The following THSD8 variants were observed in gnomAD, a reference collection of about 807,000 sequenced individuals.
THSD8 encodes thrombospondin type 1 domain containing 8, also known as thrombospondin type-1 domain-containing protein 8.
Position 12,803,911 on chromosome 19 carries a change from C to CAAAAAAAA in THSD8, c.149-173_149-166dup, listed in dbSNP as rs761806696. 8.0e-4 allele frequency among the ~76,000 whole-genome samples: 28 copies of CAAAAAAAA among 34,862 alleles called. 1 individual carries two copies. The highest frequency in any genetic ancestry group is 1.4e-3 in the African/African-American group (12 of 8,716). 22.9% of individuals were successfully genotyped at this position (34,862 alleles called of 152,430 possible). A position where few individuals can be genotyped will look rare whatever the true frequency, so the allele number is the denominator to read the frequency against. ...TGGGCGACAGAGCGAGACCCTGTCTCAAAAAAAAAAAAAAAAAAAAAAAAA... is the reference window on the plus strand; with the variant it reads ...TGGGCGACAGAGCGAGACCCTGTCTCAAAAAAAAAAAAAAAAAAAAAAAAAAAAAAAAA... On this transcript the variant is annotated intron_variant, in intron 1 of 1. Transcript: ENST00000639810.
Position 12,804,184 on chromosome 19 carries a change from G to A in THSD8, c.229G>A (p.Val77Ile), listed in dbSNP as rs1193126173. 6 of 398,540 alleles carry A rather than the reference G, an allele frequency of 1.5e-5. No individual in the cohort carries two copies. Among genetic ancestry groups the A allele is most frequent in the Non-Finnish European group, 2.2e-5 (5 of 226,128 alleles). 24.7% of individuals were successfully genotyped at this position (398,540 alleles called of 1,614,324 possible). ...DLGKQERSRE[V>I]VGTAPGPVFM... ...GGGCAAGCAGGAGCGCAGCCGCGAGGTAGTGGGCACAGCGCCGGGCCCGGT... is the reference window on the plus strand; with the variant it reads ...GGGCAAGCAGGAGCGCAGCCGCGAGATAGTGGGCACAGCGCCGGGCCCGGT... The change falls in exon 2 of 2, where the codon GTA (valine) becomes ATA (isoleucine). Residue 77 changes from valine to isoleucine, a missense_variant. Val to Ile is a conservative substitution (Grantham distance 29, BLOSUM62 3). Transcript: ENST00000639810.
intron 1 of THSD8, among the ~76,000 whole-genome samples, 166 bp from the exon 2 acceptor site, chr19:12,803,938 A>G (rs1968942940): frequency 6.9e-6 from 1 of 145,516 alleles, no homozygotes. Context: ...AAAAAAAAAA[A>G]GCTTAAATGA....
intron 1 of THSD8, among the ~76,000 whole-genome samples, chr19:12,803,643 G>A (rs566958577): frequency 6.6e-6 from 1 of 152,120 alleles, no homozygotes; most frequent in South Asian, 2.1e-4. Context: ...ATGGTGGCTG[G>A]CTCACACCTG....
In THSD8 at chr19:12,804,362, A is replaced by G; in HGVS notation, c.*59A>G. On this transcript the variant is annotated 3_prime_UTR_variant, in exon 2 of 2. Coordinates refer to ENST00000639810, the MANE Select transcript of THSD8 (RefSeq NM_001386800.1). The stretch of plus-strand genomic sequence containing the variant: ...CGGGGCCCAGGGTGGGCGCGGAGGG[A>G]GGATGTGCGGTGCGGGGCGGGTATG... 1 of 398,088 alleles carries G rather than the reference A, an allele frequency of 2.5e-6. No individual in the cohort carries two copies. The highest frequency in any genetic ancestry group is 4.4e-6 in the Non-Finnish European group (1 of 225,896). The allele number at this position is 398,088 out of a possible 1,614,324, so 24.7% of individuals were successfully genotyped here.
At chr19:12,804,036 T>A (rs991873114) in intron 1 of THSD8, 68 bp from the exon 2 acceptor site, 1 of 351,318 alleles carries the variant, frequency 2.8e-6, no homozygotes, top group African/African-American at 2.1e-5. Flanking sequence ...TCTTTCTCCC[T>A]CTCTGGGGGA....
intron 1 of THSD8, among the ~76,000 whole-genome samples, chr19:12,803,531 C>G (rs1406717083): frequency 6.6e-6 from 1 of 152,108 alleles, no homozygotes; most frequent in Non-Finnish European, 1.5e-5. Context: ...TGTAGTTCCT[C>G]TGGCCCACTT....
At chr19:12,804,001 C>T (rs1968944122) in intron 1 of THSD8, 103 bp from the exon 2 acceptor site, 1 of 216,502 alleles carries the variant, frequency 4.6e-6, no homozygotes, top group Admixed American at 6.0e-5. Context: ...CGAATATGTG[C>T]TTCTCTTATT....
Position 12,802,657 on chromosome 19 carries a change from C to G in THSD8, c.148+438C>G, listed in dbSNP as rs564259153. Among the ~76,000 whole-genome samples the G allele has an allele frequency of 5.9e-5, 9 of 152,188 alleles. No homozygotes were observed. In the South Asian group the frequency reaches 1.5e-3, roughly 25 times the overall value. On this transcript the variant is annotated intron_variant, in intron 1 of 1. Coordinates refer to ENST00000639810, the MANE Select transcript of THSD8 (RefSeq NM_001386800.1). ...ATAGCAAATGCCAAGGTGAAAAGTC[C>G]TGAAGGAGAAATGGAAAGAGGTCGG...
intron 1 of THSD8, among the ~76,000 whole-genome samples, chr19:12,803,739 C>A (rs577401682): frequency 2.0e-5 from 3 of 151,342 alleles, no homozygotes; most frequent in Admixed American, 6.6e-5. Context: ...GGTGAAACAC[C>A]GTCTCTGCAA....
At chr19:12,802,639 A>G (rs1295944301) in intron 1 of THSD8, among the ~76,000 whole-genome samples, 1 of 152,200 alleles carries the variant, frequency 6.6e-6, no homozygotes, top group Non-Finnish European at 1.5e-5. Context: ...GGAATAGCAA[A>G]TGCCAAGGTG....
At position 12,802,576 on chromosome 19, in the gene THSD8, A is replaced by G. The variant is rs1038740408; in HGVS notation, c.148+357A>G. ...ACCCGTGACCAGTGCAGCGAGAACG[A>G]CAAGCGAAAGTCCCATATGGAAAGA... On this transcript the variant is annotated intron_variant, in intron 1 of 1. Transcript: ENST00000639810. Among the ~76,000 whole-genome samples the G allele has an allele frequency of 2.0e-5, 3 of 152,182 alleles. No homozygotes were observed. In the East Asian group the frequency reaches 5.8e-4, roughly 29 times the overall value.
At position 12,804,297 on chromosome 19, in the gene THSD8, G is replaced by T; in HGVS notation, c.342G>T (p.Arg114Ser). The T allele has an allele frequency of 2.5e-6, 1 of 398,644 alleles. No homozygotes were observed. Among genetic ancestry groups the T allele is most frequent in the South Asian group, 1.3e-4 (1 of 7,868 alleles). The allele number at this position is 398,644 out of a possible 1,614,324, so 24.7% of individuals were successfully genotyped here. Residue 114 changes from arginine (R) to serine (S), a missense_variant, in exon 2 of 2, where the codon AGG becomes AGT. Transcript: ENST00000639810. ...PSCKPFDCDWRL is the reference protein window; with the variant it reads ...PSCKPFDCDWSL Reference sequence around the variant, plus strand: ...GCAAGCCCTTCGACTGCGACTGGAGGCTCTGAGCCCGGGTGAGAGAGCAGG... The same window carrying T: ...GCAAGCCCTTCGACTGCGACTGGAGTCTCTGAGCCCGGGTGAGAGAGCAGG...
At chr19:12,803,911 C>CAAAA (rs761806696) in intron 1 of THSD8, among the ~76,000 whole-genome samples, 193 bp from the exon 2 acceptor site, 896 of 34,858 alleles carry the variant, frequency 0.026, 221 homozygotes, top group African/African-American at 0.09. Flanking sequence ...GACCCTGTCT[C>CAAAA]AAAAAAAAAA....
In THSD8 at chr19:12,802,284, C is replaced by T. The variant is rs1599529603; in HGVS notation, c.148+65C>T. On this transcript the variant is annotated intron_variant, in intron 1 of 1. Transcript: ENST00000639810. ...CCCGTTGCCCTACTTCTCCTGCTGG[C>T]TGCAAAGGGACCTTCCTCGGCGGGC... The T allele has an allele frequency of 2.5e-5, 10 of 397,984 alleles. No homozygotes were observed. The East Asian group carries it at 3.6e-4, about 14-fold the overall frequency. The allele number at this position is 397,984 out of a possible 1,614,324, so 24.7% of individuals were successfully genotyped here.
intron 1 of THSD8, 98 bp from the exon 2 acceptor site, chr19:12,804,006 C>G: frequency 8.3e-6 from 2 of 240,798 alleles, no homozygotes; most frequent in Non-Finnish European, 1.6e-5. Flanking sequence ...ATGTGCTTCT[C>G]TTATTCGTTA....
At chr19:12,804,050 G>A (rs1333760005) in intron 1 of THSD8, 54 bp from the exon 2 acceptor site, 1 of 398,312 alleles carries the variant, frequency 2.5e-6, no homozygotes, top group East Asian at 3.6e-5. Flanking sequence ...TGGGGGAGGG[G>A]ATTGGGAGTA....
At chr19:12,803,975 T>C (rs1477755418) in intron 1 of THSD8, 129 bp from the exon 2 acceptor site, 7 of 216,974 alleles carry the variant, frequency 3.2e-5, no homozygotes, top group Non-Finnish European at 8.7e-6. Context: ...GTGTCTGGCA[T>C]AGAAGCAGAG....
rs1324609727 is a variant in THSD8 at position 12,804,249 on chromosome 19, C to G, written c.294C>G (p.Cys98Trp). 5.0e-6 allele frequency: 2 copies of G among 398,498 alleles called. No homozygotes were observed. The highest frequency in any genetic ancestry group is 7.1e-5 in the East Asian group (2 of 28,082). The allele number at this position is 398,498 out of a possible 1,614,324, so 24.7% of individuals were successfully genotyped here. The change falls in exon 2 of 2, where the codon TGC (cysteine) becomes TGG (tryptophan). Residue 98 changes from cysteine (C) to tryptophan (W), a missense_variant. Cys to Trp is a radical substitution (Grantham distance 215). Coordinates refer to ENST00000639810, the MANE Select transcript of THSD8 (RefSeq NM_001386800.1). The part of the protein sequence containing the change: ...DPEKLIQLRP[C>W]RQRDCPSCKP... Reference sequence around the variant, plus strand: ...AGAAGCTGATCCAGTTACGGCCCTGCCGGCAACGGGATTGTCCATCCTGCA... The same window carrying G: ...AGAAGCTGATCCAGTTACGGCCCTGGCGGCAACGGGATTGTCCATCCTGCA...
At chr19:12,804,072 C>G in intron 1 of THSD8, 32 bp from the exon 2 acceptor site, 1 of 398,516 alleles carries the variant, frequency 2.5e-6, no homozygotes, top group Non-Finnish European at 4.4e-6. Context: ...GCCCCCTCCA[C>G]GTAGGTCTTC....
Sources: gnomAD v4.1 joint callset for allele counts (sites outside exome capture counted in the v4.1 genomes callset) on GRCh38, gnomAD v4.1.1 for gene constraint, MANE v1.5 for transcripts, NCBI Gene and HGNC (gene_info 2026-07-23, HGNC 2026-07-21) for gene names.